FCHSD2: variants seen among roughly 807,000 people sequenced by gnomAD.
The protein encoded by FCHSD2 is F-BAR and double SH3 domains protein 2.
Under a neutral mutation model 108.1 loss-of-function variants are expected in FCHSD2, and 38 were observed. That is an observed-to-expected ratio of 0.35 (90% CI 0.27 to 0.46). The LOEUF (loss-of-function observed/expected upper bound fraction) is 0.46, where lower values mean the gene tolerates loss of function less well. Among genes scored for constraint, FCHSD2 ranks in the 20% least tolerant of loss-of-function variants. The pLI is 1.00. For missense variants in FCHSD2, 751 were observed against 897.8 expected (o/e 0.84, Z 2.09); for synonymous variants, 279 against 314.7 (o/e 0.89, Z 1.20).
At chr11:73,067,998 A>G (rs548176656) in intron 3 of FCHSD2, among the ~76,000 whole-genome samples, 45 of 152,240 alleles carry the variant, frequency 3.0e-4, no homozygotes, top group East Asian at 2.3e-3. Context: ...ACGAGAGAAT[A>G]AGAACCAAGT....
At chr11:72,890,795 G>T (rs1855297969) in intron 10 of FCHSD2, among the ~76,000 whole-genome samples, 1 of 151,442 alleles carries the variant, frequency 6.6e-6, no homozygotes, top group African/African-American at 2.4e-5. Context: ...AACCTTAATT[G>T]ACCGATTCCA....
intron 8 of FCHSD2, among the ~76,000 whole-genome samples, chr11:72,981,546 A>T (rs1056546560): frequency 5.9e-5 from 9 of 152,254 alleles, no homozygotes; most frequent in African/African-American, 2.2e-4. Context: ...TACAGCTTTG[A>T]TATAATAGTA....
chr11:73,000,550 T>C (rs946975004), intron 5 of FCHSD2, among the ~76,000 whole-genome samples: 57 of 152,228 alleles, frequency 3.7e-4, no homozygotes, highest in African/African-American at 1.3e-3. Flanking sequence ...GTAAGTTTTT[T>C]ATGTTTAGTC....
intron 2 of FCHSD2, among the ~76,000 whole-genome samples, chr11:73,103,298 C>T (rs769225284): frequency 6.6e-6 from 1 of 152,084 alleles, no homozygotes; most frequent in Non-Finnish European, 1.5e-5. Flanking sequence ...TTGTAAATCC[C>T]AAATTACAAG....
chr11:72,947,662 T>C (rs1388770961), intron 8 of FCHSD2, among the ~76,000 whole-genome samples: 1 of 152,210 alleles, frequency 6.6e-6, no homozygotes, highest in Non-Finnish European at 1.5e-5. Flanking sequence ...GCCCTTACTT[T>C]AAATCTCCCA....
intron 10 of FCHSD2, among the ~76,000 whole-genome samples, chr11:72,895,634 G>A (rs954829570): frequency 1.3e-5 from 2 of 152,142 alleles, no homozygotes; most frequent in African/African-American, 4.8e-5. Context: ...TCAGGAGAAA[G>A]GTGACTAAAC....
At chr11:73,034,818 G>T (rs1311922125) in intron 3 of FCHSD2, among the ~76,000 whole-genome samples, 2 of 152,124 alleles carry the variant, frequency 1.3e-5, no homozygotes, top group African/African-American at 4.8e-5. Context: ...AGCAGCAAAA[G>T]AAAATAAATT....
At position 72,962,173 on chromosome 11, in the gene FCHSD2, G is replaced by A. The variant is rs138480712; in HGVS notation, c.705+21915C>T. ...GGGGGGAATCTCTGAGACCCTTTTA[G>A]GGGACCTGTGGGGTCAAAGTTATTT... is the stretch of plus-strand genomic sequence containing the variant. On this transcript the variant is annotated intron_variant, in intron 8 of 19. Transcript: ENST00000409418. Among the ~76,000 whole-genome samples, 220 of 152,230 alleles carry A rather than the reference G, an allele frequency of 1.4e-3. 5 individuals carry two copies. In the East Asian group the frequency reaches 0.039, roughly 27 times the overall value.
At chr11:72,996,679 ATGT>A (rs2135412917) in intron 5 of FCHSD2, among the ~76,000 whole-genome samples, 1 of 152,342 alleles carries the variant, frequency 6.6e-6, no homozygotes, top group South Asian at 2.1e-4. Context: ...GAACTTTAAA[ATGT>A]TGTAGAGGAA....
chr11:73,096,987 A>AGTTTTTTTTTTTTTT (rs1860095700), intron 2 of FCHSD2, among the ~76,000 whole-genome samples: 2 of 27,044 alleles, frequency 7.4e-5, no homozygotes, highest in Non-Finnish European at 1.1e-4. Context: ...TCATTGATGG[A>AGTTTTTTTTTTTTTT]TTTTTTTTTT....
At chr11:72,981,425 T>C (rs1481497988) in intron 8 of FCHSD2, among the ~76,000 whole-genome samples, 2 of 152,206 alleles carry the variant, frequency 1.3e-5, no homozygotes, top group African/African-American at 4.8e-5. Flanking sequence ...TCTGGTTTAT[T>C]GAAGGCCATC....
At chr11:72,897,469 T>C (rs1238613775) in intron 10 of FCHSD2, among the ~76,000 whole-genome samples, 1 of 152,118 alleles carries the variant, frequency 6.6e-6, no homozygotes, top group Non-Finnish European at 1.5e-5. Context: ...TGATTTACAA[T>C]ATATGAAGGA....
At chr11:72,980,706 ATG>A (rs1857198509) in intron 8 of FCHSD2, among the ~76,000 whole-genome samples, 1 of 148,728 alleles carries the variant, frequency 6.7e-6, no homozygotes, top group Non-Finnish European at 1.5e-5. Context: ...TAATGTATGT[ATG>A]TATATATATG....
intron 2 of FCHSD2, among the ~76,000 whole-genome samples, chr11:73,119,205 A>T (rs1404232330): frequency 6.6e-6 from 1 of 151,848 alleles, no homozygotes; most frequent in Non-Finnish European, 1.5e-5. Context: ...GGGAGACTGA[A>T]GAGGGAAGAT....
At chr11:72,895,417 A>G (rs1855397761) in intron 10 of FCHSD2, among the ~76,000 whole-genome samples, 1 of 152,188 alleles carries the variant, frequency 6.6e-6, no homozygotes, top group African/African-American at 2.4e-5. Context: ...TGCGTCTAAC[A>G]CTTTTGAGAA....
In FCHSD2 at chr11:73,097,166, C is replaced by G. The variant is rs562067844; in HGVS notation, c.120-13426G>C. ...TACAGGTATGCACCACCAGGCCTGG[C>G]TGATTTTTGTATTTTTTCGTAGAGA... On this transcript the variant is annotated intron_variant, in intron 2 of 19. Coordinates refer to ENST00000409418, the MANE Select transcript of FCHSD2 (RefSeq NM_014824.3). Among the ~76,000 whole-genome samples, 10 of 150,754 alleles carry G rather than the reference C, an allele frequency of 6.6e-5. No individual in the cohort carries two copies. In the South Asian group the frequency reaches 1.7e-3, roughly 25 times the overall value.
intron 8 of FCHSD2, among the ~76,000 whole-genome samples, chr11:72,945,149 A>G (rs1006345392): frequency 6.6e-5 from 10 of 152,220 alleles, no homozygotes; most frequent in Non-Finnish European, 1.3e-4. Flanking sequence ...ACTTCAAACT[A>G]TACTACAAGG....
chr11:72,847,661 T>G (rs893788550), intron 14 of FCHSD2, among the ~76,000 whole-genome samples: 2 of 151,834 alleles, frequency 1.3e-5, no homozygotes, highest in Admixed American at 6.6e-5. Context: ...TCAAAAGTTA[T>G]GAACATTCTT....
At chr11:73,036,536 G>A (rs1858502842) in intron 3 of FCHSD2, among the ~76,000 whole-genome samples, 2 of 152,106 alleles carry the variant, frequency 1.3e-5, no homozygotes. Context: ...TTAATGATGA[G>A]TACAATGACT....
Sources: allele counts gnomAD v4.1 joint callset (sites outside exome capture counted in the v4.1 genomes callset), GRCh38; gene constraint gnomAD v4.1.1; transcripts MANE v1.5; gene names NCBI Gene and HGNC (gene_info 2026-07-23, HGNC 2026-07-21).